SMAD9: variants seen among roughly 807,000 people sequenced by gnomAD.
SMAD9 encodes the protein SMAD family member 9.
SMAD9 carries 36 observed loss-of-function variants against 46.1 expected under a neutral mutation model. The ratio of observed to expected loss-of-function variants is 0.78; its 90% CI spans 0.60 to 1.03. The LOEUF (loss-of-function observed/expected upper bound fraction) is 1.03, where lower values mean the gene tolerates loss of function less well. SMAD9 is among the 50% of genes least tolerant of loss of function. The probability of loss-of-function intolerance (pLI) is 0.00; values close to 1 mark genes in which losing one functional copy is unlikely to be tolerated. For missense variants in SMAD9, 572 were observed against 599.8 expected (o/e 0.95, Z 0.48); for synonymous variants, 245 against 237.1 (o/e 1.03, Z -0.31).
Position 36,853,676 on chromosome 13 carries a change from C to T in SMAD9, c.1004-1G>A. Reference sequence around the variant, plus strand: ...CCCCCGACGTAGTACAAGTGCACACCTGCAGACACAAAAACACAGCCTTCC... The same window carrying T: ...CCCCCGACGTAGTACAAGTGCACACTTGCAGACACAAAAACACAGCCTTCC... On this transcript the variant is annotated splice_acceptor_variant, in intron 5 of 6. Transcript: ENST00000379826. LOFTEE classifies it high-confidence loss of function. 1 of 1,614,010 alleles carries T rather than the reference C, an allele frequency of 6.2e-7. No homozygotes were observed. The highest frequency in any genetic ancestry group is 8.5e-7 in the Non-Finnish European group (1 of 1,180,034).
intron 5 of SMAD9, among the ~76,000 whole-genome samples, chr13:36,864,788 C>T (rs572642519): frequency 6.6e-6 from 1 of 152,184 alleles, no homozygotes; most frequent in South Asian, 2.1e-4. Flanking sequence ...AGAAAAGGCT[C>T]AGGCTCCCTT....
intron 2 of SMAD9, among the ~76,000 whole-genome samples, chr13:36,878,731 G>A (rs1054340027): frequency 2.0e-5 from 3 of 152,070 alleles, no homozygotes; most frequent in East Asian, 1.9e-4. Context: ...CAGTTCAGTT[G>A]TTTGGGGCGG....
intron 1 of SMAD9, among the ~76,000 whole-genome samples, chr13:36,892,038 G>A (rs965314095): frequency 6.6e-6 from 1 of 152,166 alleles, no homozygotes; most frequent in Non-Finnish European, 1.5e-5. Context: ...CACAGAAAAT[G>A]ACAGAGTACA....
rs759865589 is a variant in SMAD9, at chr13:36,872,786, A to G, written c.542T>C (p.Phe181Ser). The change falls in exon 3 of 7, where the codon TTC becomes TCC. Residue 181 changes from phenylalanine to serine, a missense_variant. Phe to Ser is a radical substitution (Grantham distance 155, BLOSUM62 -2). Coordinates refer to ENST00000379826, the MANE Select transcript of SMAD9 (RefSeq NM_001127217.3). Reference sequence around the variant, plus strand: ...GAGTGCAGAGCACGGAGGCTGCTGGAAAGAGTCAGGATAGGTGGCGTTGTG... The same window carrying G: ...GAGTGCAGAGCACGGAGGCTGCTGGGAAGAGTCAGGATAGGTGGCGTTGTG... ...MPHNATYPDS[F>S]QQPPCSALPP... The G allele has an allele frequency of 4.3e-6, 7 of 1,613,948 alleles. No homozygotes were observed. In the African/African-American group the frequency reaches 5.3e-5, roughly 12 times the overall value.
intron 5 of SMAD9, among the ~76,000 whole-genome samples, chr13:36,862,251 T>C (rs2058189731): frequency 6.6e-6 from 1 of 152,016 alleles, no homozygotes; most frequent in Non-Finnish European, 1.5e-5. Flanking sequence ...CCCAGGATGC[T>C]AGGAATTCTT....
In SMAD9 at chr13:36,867,347, G is replaced by C. The variant is rs761937331; in HGVS notation, c.707C>G (p.Ala236Gly). ...AGGTTGGCCACTCTGGGTCTCAGAG[G>C]CTTCTGTGGCATGATAAGGCAGGGG... The part of the protein sequence containing the change: ...TPPLPYHATE[A>G]SETQSGQPVD... Residue 236 changes from alanine to glycine, a missense_variant, in exon 4 of 7, where the codon GCC (alanine) becomes GGC (glycine). By Grantham distance (60) the Ala-to-Gly change is moderately conservative (BLOSUM62 0). Coordinates refer to ENST00000379826, the MANE Select transcript of SMAD9 (RefSeq NM_001127217.3). 1.9e-6 allele frequency: 3 copies of C among 1,551,178 alleles called. No homozygotes were observed. The highest frequency in any genetic ancestry group is 1.2e-5 in the South Asian group (1 of 83,954).
intron 1 of SMAD9, among the ~76,000 whole-genome samples, chr13:36,917,695 A>G (rs924436299): frequency 2.0e-5 from 3 of 152,226 alleles, no homozygotes; most frequent in Non-Finnish European, 4.4e-5. Flanking sequence ...CCCTAAAATC[A>G]GAGTACATCC....
Position 36,845,263 on chromosome 13 carries a change from AGAG to A in SMAD9, c.*3410_*3412del, listed in dbSNP as rs2058031780. On this transcript the variant is annotated 3_prime_UTR_variant, in exon 7 of 7. Transcript: ENST00000379826. ...CCATATCCTTAGAAGACAATAAAAA[AGAG>A]GATTCTAAATGCTAGATGGTTGGCT... is the stretch of plus-strand genomic sequence containing the variant. 1 of 152,208 alleles carries A rather than the reference AGAG, an allele frequency of 6.6e-6. No homozygotes were observed. The highest frequency in any genetic ancestry group is 1.5e-5 in the Non-Finnish European group (1 of 68,034). 9.4% of individuals were successfully genotyped at this position (152,208 alleles called of 1,614,324 possible).
At position 36,848,421 on chromosome 13, in the gene SMAD9, G is replaced by A. The variant is rs185427785; in HGVS notation, c.*255C>T. On this transcript the variant is annotated 3_prime_UTR_variant, in exon 7 of 7. Coordinates refer to ENST00000379826, the MANE Select transcript of SMAD9 (RefSeq NM_001127217.3). ...CCCTTCAAATACTGTTGACAATATCGCCTCTCAAGTGTTTCCTCCCACAAA... is the reference window on the plus strand; with the variant it reads ...CCCTTCAAATACTGTTGACAATATCACCTCTCAAGTGTTTCCTCCCACAAA... 114 of 507,426 alleles carry A rather than the reference G, an allele frequency of 2.2e-4. No homozygotes were observed. The highest frequency in any genetic ancestry group is 1.6e-3 in the African/African-American group (85 of 51,864). The allele number at this position is 507,426 out of a possible 1,614,324, so 31.4% of individuals were successfully genotyped here.
chr13:36,870,114 T>C (rs903790112), intron 3 of SMAD9, among the ~76,000 whole-genome samples: 5 of 152,206 alleles, frequency 3.3e-5, no homozygotes, highest in African/African-American at 1.2e-4. Context: ...GGGCTATGCC[T>C]TCTGTGAGAA....
chr13:36,865,462 G>T, intron 5 of SMAD9, 75 bp downstream of exon 5: 3 of 1,235,380 alleles, frequency 2.4e-6, no homozygotes, highest in Non-Finnish European at 3.6e-6. Context: ...TGTGAGGGTG[G>T]TCACGTGCAC....
At chr13:36,888,380 C>T (rs537220272) in intron 1 of SMAD9, among the ~76,000 whole-genome samples, 5 of 152,242 alleles carry the variant, frequency 3.3e-5, no homozygotes, top group South Asian at 2.1e-4. Flanking sequence ...TCACCTTCTG[C>T]GATGATTGTA....
intron 1 of SMAD9, among the ~76,000 whole-genome samples, chr13:36,900,207 C>A: frequency 6.6e-6 from 1 of 152,184 alleles, no homozygotes; most frequent in East Asian, 1.9e-4. Context: ...TGTTAGTATA[C>A]ACATGGCTGC....
chr13:36,857,724 G>A (rs1351007625), intron 5 of SMAD9, among the ~76,000 whole-genome samples: 1 of 152,090 alleles, frequency 6.6e-6, no homozygotes, highest in Admixed American at 6.6e-5. Context: ...CAAAGTAGAA[G>A]GAAGGTGCAG....
chr13:36,905,774 C>CAAAAAAA lies in SMAD9; in HGVS notation c.-187+14335_-187+14341dup, dbSNP rs60358673. The stretch of plus-strand genomic sequence containing the variant: ...TAGATAAAAGGGCAAGACCCTGTCT[C>CAAAAAAA]AAAAAAAAAAAAAAAAAAAAAAAAA... On this transcript the variant is annotated intron_variant, in intron 1 of 6. Coordinates refer to ENST00000379826, the MANE Select transcript of SMAD9 (RefSeq NM_001127217.3). Among the ~76,000 whole-genome samples the CAAAAAAA allele has an allele frequency of 5.3e-4, 35 of 66,456 alleles. 2 individuals are homozygous for CAAAAAAA. Among genetic ancestry groups the CAAAAAAA allele is most frequent in the Non-Finnish European group, 7.7e-4 (28 of 36,132 alleles). The allele number at this position is 66,456 out of a possible 152,430, so 43.6% of individuals were successfully genotyped here.
chr13:36,910,996 GTATTATTAA>G (rs1456672315), intron 1 of SMAD9, among the ~76,000 whole-genome samples: 1 of 152,044 alleles, frequency 6.6e-6, no homozygotes, highest in Non-Finnish European at 1.5e-5. Context: ...ATTAACTATT[GTATTATTAA>G]TATTATTATT....
intron 5 of SMAD9, among the ~76,000 whole-genome samples, chr13:36,862,277 T>C (rs970329777): frequency 1.3e-5 from 2 of 152,008 alleles, no homozygotes; most frequent in Admixed American, 6.6e-5. Flanking sequence ...CAGGATGACA[T>C]AGGAGGTTGG....
Position 36,853,564 on chromosome 13 carries a change from G to A in SMAD9, c.1115C>T (p.Thr372Ile), listed in dbSNP as rs144292897. The change falls in exon 6 of 7, where the codon ACC (threonine) becomes ATC (isoleucine). Residue 372 changes from threonine (T) to isoleucine (I), a missense_variant. Transcript: ENST00000379826. ...GCAGCCGCTGGGGATCTTGCAGACG[G>A]TAGCTGGGTGGAAGCCGTGTTGATA... ...CNYQHGFHPA[T>I]VCKIPSGCSL... 2 of 1,614,090 alleles carry A rather than the reference G, an allele frequency of 1.2e-6. No homozygotes were observed. The highest frequency in any genetic ancestry group is 2.7e-5 in the African/African-American group (2 of 74,922).
In SMAD9 at chr13:36,845,152, A is replaced by G. The variant is rs1490082513; in HGVS notation, c.*3524T>C. The G allele has an allele frequency of 6.6e-6, 1 of 151,914 alleles. No individual in the cohort carries two copies. The highest frequency in any genetic ancestry group is 1.5e-5 in the Non-Finnish European group (1 of 67,994). 9.4% of individuals were successfully genotyped at this position (151,914 alleles called of 1,614,324 possible). On this transcript the variant is annotated 3_prime_UTR_variant, in exon 7 of 7. Transcript: ENST00000379826. ...TATATATACACACTAAATATTTGGG[A>G]CACAAAGTTAAGCAGGTGCTTACAG...
Sources: gnomAD v4.1 joint callset for allele counts (sites outside exome capture counted in the v4.1 genomes callset) on GRCh38, gnomAD v4.1.1 for gene constraint, MANE v1.5 for transcripts, NCBI Gene and HGNC (gene_info 2026-07-23, HGNC 2026-07-21) for gene names.